The following HK2 variants were observed in gnomAD, a reference collection of about 807,000 sequenced individuals.
HK2 encodes hexokinase 2, also known as hexokinase-2.
In HK2, 42 loss-of-function variants were observed where a neutral mutation model predicts 92.9. The ratio of observed to expected loss-of-function variants is 0.45; its 90% CI spans 0.35 to 0.58. The LOEUF (loss-of-function observed/expected upper bound fraction) is 0.58, where lower values mean the gene tolerates loss of function less well. HK2 is among the 20% of genes least tolerant of loss of function. The pLI is 0.00. For synonymous variants in HK2, 422 were observed against 468.0 expected (o/e 0.90, Z 1.27); for missense variants, 978 against 1,245.1 (o/e 0.79, Z 3.23).
intron 2 of HK2, among the ~76,000 whole-genome samples, chr2:74,863,739 CAG>C (rs1309368777): frequency 1.3e-5 from 2 of 152,152 alleles, no homozygotes; most frequent in East Asian, 3.8e-4. Flanking sequence ...CCCCTCAACC[CAG>C]AGTCACCCCA....
At chr2:74,878,453 G>A (rs115023505) in intron 8 of HK2, among the ~76,000 whole-genome samples, 3,205 of 151,332 alleles carry the variant, frequency 0.021, 60 homozygotes, top group Non-Finnish European at 0.031. Flanking sequence ...ACGCACATGC[G>A]TGTGCGTGTG....
rs564578024 is a variant in HK2 at position 74,837,963 on chromosome 2, C to T, written c.63+3320C>T. Among the ~76,000 whole-genome samples the T allele has an allele frequency of 1.6e-4, 25 of 152,256 alleles. 1 individual carries two copies. The highest frequency in any genetic ancestry group is 5.8e-4 in the East Asian group (3 of 5,174). ...TGTTGGGATTACAGGCGTGAGCCACCGCACGAGGCCTGCCCTTGCCATTTT... is the reference window on the plus strand; with the variant it reads ...TGTTGGGATTACAGGCGTGAGCCACTGCACGAGGCCTGCCCTTGCCATTTT... On this transcript the variant is annotated intron_variant, in intron 1 of 17. Coordinates refer to ENST00000290573, the MANE Select transcript of HK2 (RefSeq NM_000189.5).
chr2:74,885,876 ACACACACAC>A (rs1689517420), intron 13 of HK2, among the ~76,000 whole-genome samples: 1 of 151,740 alleles, frequency 6.6e-6, no homozygotes, highest in African/African-American at 2.4e-5. Context: ...ACACACACAC[ACACACACAC>A]AGTAAAGGAA....
chr2:74,869,564 C>T (rs1264271205), intron 3 of HK2, among the ~76,000 whole-genome samples: 1 of 152,154 alleles, frequency 6.6e-6, no homozygotes, highest in African/African-American at 2.4e-5. Flanking sequence ...TTAACTTCTC[C>T]TGAAGAGCAG....
chr2:74,880,221 C>G lies in HK2; in HGVS notation c.1266-44C>G, dbSNP rs887606564. ...TGTCTAACTATTTGCACCATTGACC[C>G]TAACCATGGACACCTGTCTCTTACC... On this transcript the variant is annotated intron_variant, in intron 9 of 17. Coordinates refer to ENST00000290573, the MANE Select transcript of HK2 (RefSeq NM_000189.5). The G allele has an allele frequency of 1.2e-5, 20 of 1,607,932 alleles. No homozygotes were observed. The Admixed American group carries it at 2.3e-4, about 19-fold the overall frequency.
At chr2:74,846,420 C>G (rs1013823520) in intron 1 of HK2, among the ~76,000 whole-genome samples, 15 of 152,324 alleles carry the variant, frequency 9.8e-5, no homozygotes, top group African/African-American at 3.6e-4. Flanking sequence ...TTACCTGAAC[C>G]AGCCCCGTGT....
At chr2:74,847,122 A>G (rs1386209065) in intron 1 of HK2, among the ~76,000 whole-genome samples, 2 of 152,172 alleles carry the variant, frequency 1.3e-5, no homozygotes, top group African/African-American at 4.8e-5. Flanking sequence ...CTGGGGAGAC[A>G]AAGTTCAGCT....
intron 7 of HK2, among the ~76,000 whole-genome samples, chr2:74,875,128 C>T (rs889038625): frequency 1.3e-5 from 2 of 152,078 alleles, no homozygotes; most frequent in African/African-American, 4.8e-5. Flanking sequence ...AAACATTTGC[C>T]AAATGTGCGT....
intron 7 of HK2, among the ~76,000 whole-genome samples, chr2:74,876,549 G>C (rs1288072085): frequency 6.6e-6 from 1 of 152,198 alleles, no homozygotes; most frequent in African/African-American, 2.4e-5. Context: ...TCACCTGCCT[G>C]CTTAGAAGCC....
At position 74,886,643 on chromosome 2, in the gene HK2, A is replaced by T; in HGVS notation, c.2189A>T (p.Asp730Val). ...CGCACAGAATTTGATGTGGCTGTGG[A>T]TGAGCTTTCACTCAACCCCGGCAAG... The part of the protein sequence containing the change: ...DFRTEFDVAV[D>V]ELSLNPGKQR... Residue 730 changes from aspartate to valine, a missense_variant, in exon 15 of 18, where the codon GAT becomes GTT. By Grantham distance (152) the Asp-to-Val change is radical. Coordinates refer to ENST00000290573, the MANE Select transcript of HK2 (RefSeq NM_000189.5). 1.2e-6 allele frequency: 2 copies of T among 1,613,996 alleles called. No homozygotes were observed. Among genetic ancestry groups the T allele is most frequent in the South Asian group, 1.1e-5 (1 of 91,078 alleles).
intron 12 of HK2, among the ~76,000 whole-genome samples, chr2:74,882,793 T>TCAA (rs1689436148): frequency 1.3e-5 from 2 of 151,546 alleles, no homozygotes; most frequent in African/African-American, 4.9e-5. Context: ...CATAATAGCT[T>TCAA]GGGACTGGCC....
At chr2:74,886,861 C>T (rs189230537) in intron 15 of HK2, among the ~76,000 whole-genome samples, 188 bp downstream of exon 15, 2 of 152,342 alleles carry the variant, frequency 1.3e-5, no homozygotes, top group African/African-American at 2.4e-5. Flanking sequence ...TAAGAAGCAT[C>T]TCCCACCCAA....
At chr2:74,853,696 CA>C (rs202112392) in intron 1 of HK2, among the ~76,000 whole-genome samples, 123 of 138,950 alleles carry the variant, frequency 8.9e-4, no homozygotes, top group Admixed American at 1.2e-3. Flanking sequence ...GATACCCTGT[CA>C]AAAAAAAAAA....
At chr2:74,846,982 T>C (rs1688457273) in intron 1 of HK2, among the ~76,000 whole-genome samples, 1 of 152,198 alleles carries the variant, frequency 6.6e-6, no homozygotes, top group South Asian at 2.1e-4. Context: ...AGAACATGCA[T>C]GTTAAGAAAG....
intron 2 of HK2, among the ~76,000 whole-genome samples, chr2:74,855,018 GAC>G: frequency 6.6e-6 from 1 of 152,252 alleles, no homozygotes; most frequent in Admixed American, 6.5e-5. Flanking sequence ...ATTTTTTTGA[GAC>G]AGTTTCACTC....
At position 74,891,118 on chromosome 2, in the gene HK2, C is replaced by T; in HGVS notation, c.*177C>T. The stretch of plus-strand genomic sequence containing the variant: ...GTAGAGCTTGGTGGCTGAGCTTGGC[C>T]CTATTAAGATAAATAGAGTTCCAAA... On this transcript the variant is annotated 3_prime_UTR_variant, in exon 18 of 18. Coordinates refer to ENST00000290573, the MANE Select transcript of HK2 (RefSeq NM_000189.5). 3 of 671,130 alleles carry T rather than the reference C, an allele frequency of 4.5e-6. 1 individual carries two copies. The South Asian group carries it at 5.5e-5, about 12-fold the overall frequency. 41.6% of individuals were successfully genotyped at this position (671,130 alleles called of 1,614,324 possible). A position where few individuals can be genotyped will look rare whatever the true frequency, so the allele number is the denominator to read the frequency against.
At chr2:74,867,052 C>T (rs944292154) in intron 2 of HK2, among the ~76,000 whole-genome samples, 1 of 151,992 alleles carries the variant, frequency 6.6e-6, no homozygotes, top group African/African-American at 2.4e-5. Flanking sequence ...AGGCATGCAC[C>T]CCTGGCATGG....
intron 1 of HK2, among the ~76,000 whole-genome samples, chr2:74,850,142 G>T (rs760895308): frequency 1.4e-4 from 21 of 152,196 alleles, no homozygotes; most frequent in Non-Finnish European, 2.8e-4. Context: ...TCACGTTATT[G>T]GCATATTGGA....
intron 13 of HK2, 39 bp from the exon 14 acceptor site, chr2:74,886,255 G>T: frequency 6.9e-7 from 1 of 1,440,282 alleles, no homozygotes; most frequent in Admixed American, 1.7e-5. Flanking sequence ...GAATATTGGG[G>T]TTCACCTGTG....
Sources: gnomAD v4.1 joint callset for allele counts (sites outside exome capture counted in the v4.1 genomes callset) on GRCh38, gnomAD v4.1.1 for gene constraint, MANE v1.5 for transcripts, NCBI Gene and HGNC (gene_info 2026-07-23, HGNC 2026-07-21) for gene names.